The following LRP12 variants were observed in gnomAD, a reference collection of about 807,000 sequenced individuals.
LRP12 encodes the protein low-density lipoprotein receptor-related protein 12.
Under a neutral mutation model 66.0 loss-of-function variants are expected in LRP12, and 14 were observed. That is an observed-to-expected ratio of 0.21 (90% CI 0.14 to 0.33). The LOEUF is 0.33. Among genes scored for constraint, LRP12 ranks in the 10% least tolerant of loss-of-function variants. The pLI, the probability that LRP12 is intolerant of heterozygous loss-of-function variation, is 1.00. For missense variants in LRP12, 889 were observed against 1,053.4 expected (o/e 0.84, Z 2.16); for synonymous variants, 357 against 359.1 (o/e 0.99, Z 0.07).
chr8:104,563,708 C>A (rs1378679318), intron 1 of LRP12, among the ~76,000 whole-genome samples: 1 of 152,078 alleles, frequency 6.6e-6, no homozygotes, highest in Non-Finnish European at 1.5e-5. Flanking sequence ...AGAGAACTAG[C>A]TAGCCTCTTT....
At chr8:104,512,982 A>AAT (rs1451696752) in intron 2 of LRP12, among the ~76,000 whole-genome samples, 2 of 152,136 alleles carry the variant, frequency 1.3e-5, no homozygotes. Flanking sequence ...ATTGGTTATA[A>AAT]ATATATATAT....
In LRP12 at chr8:104,498,108, GAGA is replaced by G. The variant is rs568942471; in HGVS notation, c.476-35_476-33del. The G allele has an allele frequency of 4.8e-4, 729 of 1,517,928 alleles. 14 individuals are homozygous for G. In the South Asian group the frequency reaches 8.7e-3, roughly 18 times the overall value. The allele number at this position is 1,517,928 out of a possible 1,614,324, so 94.0% of individuals were successfully genotyped here. On this transcript the variant is annotated intron_variant, in intron 4 of 6. Transcript: ENST00000276654. Reference sequence around the variant, plus strand: ...AGATGTGAGTAGAAATAGATGGAAAGAGAAGGAGAAAAATTATAATCTTTAAAA... The same window carrying G: ...AGATGTGAGTAGAAATAGATGGAAAGAGGAGAAAAATTATAATCTTTAAAA...
chr8:104,564,650 G>C (rs1424640756), intron 1 of LRP12, among the ~76,000 whole-genome samples: 1 of 151,980 alleles, frequency 6.6e-6, no homozygotes, highest in Admixed American at 6.6e-5. Context: ...AGAAAATTAG[G>C]CTGGGTGCAG....
At chr8:104,572,289 G>A (rs1430200344) in intron 1 of LRP12, among the ~76,000 whole-genome samples, 1 of 152,180 alleles carries the variant, frequency 6.6e-6, no homozygotes, top group African/African-American at 2.4e-5. Context: ...GCAGGCAAGA[G>A]TTTTCTGGGG....
intron 1 of LRP12, among the ~76,000 whole-genome samples, chr8:104,553,757 ATCC>A (rs139327287): frequency 0.017 from 2,565 of 152,262 alleles, 70 homozygotes; most frequent in African/African-American, 0.058. Flanking sequence ...GCAAGCTTGT[ATCC>A]TCCTTACACT....
chr8:104,515,687 T>C lies in LRP12; in HGVS notation c.137-6613A>G, dbSNP rs771990600. On this transcript the variant is annotated intron_variant, in intron 2 of 6. Coordinates refer to ENST00000276654, the MANE Select transcript of LRP12 (RefSeq NM_013437.5). ...GCAAATACCTTTAAGTGGGGGAGCA[T>C]GAACCTATGCATATATGGCTGCAGA... Among the ~76,000 whole-genome samples, 18 of 152,294 alleles carry C rather than the reference T, an allele frequency of 1.2e-4. No individual in the cohort carries two copies. In the South Asian group the frequency reaches 1.2e-3, roughly 11 times the overall value.
chr8:104,538,959 C>T (rs3110527), intron 1 of LRP12, among the ~76,000 whole-genome samples: 1 of 152,130 alleles, frequency 6.6e-6, no homozygotes, highest in African/African-American at 2.4e-5. Flanking sequence ...AAAAAGCAAA[C>T]GACAGAGGAC....
chr8:104,581,703 T>C (rs1490081328), intron 1 of LRP12, among the ~76,000 whole-genome samples: 1 of 152,008 alleles, frequency 6.6e-6, no homozygotes, highest in African/African-American at 2.4e-5. Context: ...AGGACAAGAC[T>C]AGAGCTAAGA....
intron 1 of LRP12, among the ~76,000 whole-genome samples, chr8:104,534,743 T>C (rs1196133786): frequency 1.3e-5 from 2 of 151,942 alleles, no homozygotes; most frequent in Admixed American, 6.6e-5. Flanking sequence ...TGAACATCAC[T>C]TGAAGAAGTG....
chr8:104,565,587 C>T (rs1038481586), intron 1 of LRP12, among the ~76,000 whole-genome samples: 3 of 152,014 alleles, frequency 2.0e-5, no homozygotes, highest in African/African-American at 7.3e-5. Context: ...AGGCCGGGCG[C>T]GGTGGCTCAC....
chr8:104,506,853 TTTTACTCCG>T (rs1810918019), intron 3 of LRP12: 1 of 152,162 alleles, frequency 6.6e-6, no homozygotes, highest in Non-Finnish European at 1.5e-5. Flanking sequence ...TCAGTATTGT[TTTTACTCCG>T]TAACTTTAGT....
intron 1 of LRP12, among the ~76,000 whole-genome samples, chr8:104,539,764 G>A (rs889809292): frequency 5.3e-5 from 8 of 151,846 alleles, no homozygotes; most frequent in African/African-American, 7.3e-5. Context: ...GATAATTCAT[G>A]TCAAATTATG....
rs145072795 is a variant in LRP12, at chr8:104,492,481, T to TTA, written c.1714-943_1714-942insTA. Reference sequence around the variant, plus strand: ...CAACCTGGCATTTAGTATTTAAAAATTGTATTTCCAGGAAACAATCTTAAG... The same window carrying TTA: ...CAACCTGGCATTTAGTATTTAAAAATTATGTATTTCCAGGAAACAATCTTAAG... On this transcript the variant is annotated intron_variant, in intron 6 of 6. Coordinates refer to ENST00000276654, the MANE Select transcript of LRP12 (RefSeq NM_013437.5). Among the ~76,000 whole-genome samples the TTA allele has an allele frequency of 2.7e-3, 404 of 152,250 alleles. 1 individual carries two copies. The highest frequency in any genetic ancestry group is 4.8e-3 in the Non-Finnish European group (325 of 67,988).
At chr8:104,521,375 AAT>A (rs1398085182) in intron 2 of LRP12, among the ~76,000 whole-genome samples, 1 of 151,286 alleles carries the variant, frequency 6.6e-6, no homozygotes, top group East Asian at 1.9e-4. Context: ...TTGTTCAATA[AAT>A]ATGTGATATA....
intron 1 of LRP12, among the ~76,000 whole-genome samples, chr8:104,537,007 G>T (rs74577813): frequency 0.031 from 4,631 of 151,616 alleles, 236 homozygotes; most frequent in African/African-American, 0.11. Flanking sequence ...GGTTATAAAA[G>T]AGGAATTAGC....
intron 2 of LRP12, among the ~76,000 whole-genome samples, chr8:104,529,068 C>G (rs928025589): frequency 6.6e-6 from 1 of 152,146 alleles, no homozygotes; most frequent in Non-Finnish European, 1.5e-5. Context: ...ATTTTAGAGT[C>G]TAACCCTAGT....
At chr8:104,550,961 C>A (rs1005468165) in intron 1 of LRP12, among the ~76,000 whole-genome samples, 2 of 152,134 alleles carry the variant, frequency 1.3e-5, no homozygotes, top group African/African-American at 4.8e-5. Context: ...CTGACATTAA[C>A]CTTCAGCTTA....
At chr8:104,569,386 T>C (rs1461774788) in intron 1 of LRP12, among the ~76,000 whole-genome samples, 1 of 152,132 alleles carries the variant, frequency 6.6e-6, no homozygotes, top group Admixed American at 6.5e-5. Flanking sequence ...AAACACTGAA[T>C]TGTACACTTT....
intron 2 of LRP12, among the ~76,000 whole-genome samples, chr8:104,513,569 C>T (rs553643314): frequency 9.9e-5 from 15 of 152,226 alleles, no homozygotes; most frequent in Middle Eastern, 3.4e-3. Context: ...GTGACCTCAC[C>T]GCTAAATCCA....
Sources: allele counts gnomAD v4.1 joint callset (sites outside exome capture counted in the v4.1 genomes callset), GRCh38; gene constraint gnomAD v4.1.1; transcripts MANE v1.5; gene names NCBI Gene and HGNC (gene_info 2026-07-23, HGNC 2026-07-21).